Variants in SLC9A9 observed in about 807,000 individuals in gnomAD.
The protein encoded by SLC9A9 is solute carrier family 9 member A9.
A neutral mutation model predicts 77.8 loss-of-function variants in SLC9A9; 62 were observed. The observed-to-expected ratio is 0.80, with a 90% CI of 0.65 to 0.98. The LOEUF (loss-of-function observed/expected upper bound fraction) is 0.98. Ranked by LOEUF, SLC9A9 falls within the 50% of genes least tolerant of loss-of-function variation. The pLI is 0.00. For synonymous variants in SLC9A9, 320 were observed against 283.5 expected (o/e 1.13, Z -1.29); for missense variants, 775 against 774.9 (o/e 1.00, Z 0.00).
At chr3:143,368,307 A>G (rs2032962587) in intron 13 of SLC9A9, among the ~76,000 whole-genome samples, 1 of 152,208 alleles carries the variant, frequency 6.6e-6, no homozygotes, top group African/African-American at 2.4e-5. Context: ...AACCCCTGAG[A>G]GAAAACAAAA....
intron 11 of SLC9A9, among the ~76,000 whole-genome samples, chr3:143,487,280 A>G (rs144388174): frequency 6.6e-6 from 1 of 152,126 alleles, no homozygotes; most frequent in African/African-American, 2.4e-5. Context: ...ATATGAAGGA[A>G]AAACTGACAA....
intron 12 of SLC9A9, among the ~76,000 whole-genome samples, chr3:143,454,251 TTA>T (rs2035052430): frequency 6.6e-6 from 1 of 152,204 alleles, no homozygotes; most frequent in Non-Finnish European, 1.5e-5. Context: ...ATTGGCTGTA[TTA>T]TTTTAGATTC....
intron 2 of SLC9A9, among the ~76,000 whole-genome samples, chr3:143,809,191 C>T (rs1016485030): frequency 4.6e-5 from 7 of 152,216 alleles, no homozygotes; most frequent in Non-Finnish European, 1.0e-4. Context: ...GGTACAACCT[C>T]CTGGACAGAA....
chr3:143,518,032 C>T, intron 9 of SLC9A9: 2 of 1,436,340 alleles, frequency 1.4e-6, no homozygotes, highest in Non-Finnish European at 1.9e-6. Context: ...TTAAGTCTTC[C>T]TCCACCTTCT....
intron 11 of SLC9A9, among the ~76,000 whole-genome samples, chr3:143,470,392 A>C (rs1259648669): frequency 2.0e-5 from 3 of 151,902 alleles, no homozygotes; most frequent in Non-Finnish European, 4.4e-5. Context: ...AGGCAGGAGA[A>C]TCACTTGAAC....
At chr3:143,834,443 C>G (rs2108891267) in intron 1 of SLC9A9, among the ~76,000 whole-genome samples, 1 of 152,126 alleles carries the variant, frequency 6.6e-6, no homozygotes, top group South Asian at 2.1e-4. Flanking sequence ...CAGCAAGTAC[C>G]ATGAATGACA....
intron 14 of SLC9A9, among the ~76,000 whole-genome samples, chr3:143,315,168 G>T (rs999101447): frequency 2.0e-5 from 3 of 152,136 alleles, no homozygotes; most frequent in Non-Finnish European, 4.4e-5. Context: ...CAGTTTTTGA[G>T]GATAAATTTA....
In SLC9A9 at chr3:143,809,881, G is replaced by A. The variant is rs534731306; in HGVS notation, c.379-12978C>T. Among the ~76,000 whole-genome samples the A allele has an allele frequency of 5.3e-5, 8 of 152,292 alleles. No individual in the cohort carries two copies. The East Asian group carries it at 1.2e-3, about 22-fold the overall frequency. On this transcript the variant is annotated intron_variant, in intron 2 of 15. Coordinates refer to ENST00000316549, the MANE Select transcript of SLC9A9 (RefSeq NM_173653.4). Reference sequence around the variant, plus strand: ...TGAATTTTTAATTTTAACACTGGTAGCTAGTGGCAATTGGAGAGTACATTT... The same window carrying A: ...TGAATTTTTAATTTTAACACTGGTAACTAGTGGCAATTGGAGAGTACATTT...
intron 4 of SLC9A9, among the ~76,000 whole-genome samples, chr3:143,742,856 A>T (rs1935106195): frequency 6.6e-6 from 1 of 152,116 alleles, no homozygotes; most frequent in Non-Finnish European, 1.5e-5. Flanking sequence ...TTTGTAATGG[A>T]AACTCTTTGT....
intron 9 of SLC9A9, chr3:143,518,230 G>A (rs959628519): frequency 6.3e-7 from 1 of 1,594,760 alleles, no homozygotes; most frequent in Non-Finnish European, 8.5e-7. Context: ...GGGGGTCCAT[G>A]GCAGGGAGGT....
chr3:143,498,490 G>A (rs549535727), intron 9 of SLC9A9, among the ~76,000 whole-genome samples: 3 of 151,466 alleles, frequency 2.0e-5, no homozygotes, highest in South Asian at 2.1e-4. Context: ...GGAGGTGGAC[G>A]CTGCAGTGAG....
At chr3:143,462,214 T>G (rs2035205644) in intron 12 of SLC9A9, among the ~76,000 whole-genome samples, 1 of 151,982 alleles carries the variant, frequency 6.6e-6, no homozygotes, top group African/African-American at 2.4e-5. Flanking sequence ...TAAAAATAAT[T>G]TTAAAAAGAT....
intron 4 of SLC9A9, among the ~76,000 whole-genome samples, chr3:143,699,951 G>C (rs747866027): frequency 4.6e-5 from 7 of 151,762 alleles, no homozygotes; most frequent in Non-Finnish European, 1.0e-4. Context: ...GGAGAGGAGA[G>C]AGAAGAGTAA....
At chr3:143,530,871 C>T (rs1168420151) in intron 9 of SLC9A9, among the ~76,000 whole-genome samples, 1 of 152,186 alleles carries the variant, frequency 6.6e-6, no homozygotes, top group African/African-American at 2.4e-5. Context: ...GGATTTGCCT[C>T]TGTCAACTTA....
intron 6 of SLC9A9, among the ~76,000 whole-genome samples, chr3:143,583,176 A>G (rs933483494): frequency 6.6e-6 from 1 of 151,942 alleles, no homozygotes; most frequent in Non-Finnish European, 1.5e-5. Flanking sequence ...AAAAATATAT[A>G]TAAATTAAAA....
chr3:143,578,063 A>C (rs887515001), intron 7 of SLC9A9, among the ~76,000 whole-genome samples: 9 of 152,202 alleles, frequency 5.9e-5, no homozygotes, highest in African/African-American at 1.7e-4. Flanking sequence ...CACACATATC[A>C]TTTCAGCATT....
At chr3:143,778,361 C>A (rs893543553) in intron 4 of SLC9A9, among the ~76,000 whole-genome samples, 1 of 152,192 alleles carries the variant, frequency 6.6e-6, no homozygotes, top group East Asian at 1.9e-4. Flanking sequence ...TATGCTTCAA[C>A]TATCTAAATA....
In SLC9A9 at chr3:143,423,210, C is replaced by T. The variant is rs569056433; in HGVS notation, c.1470-41096G>A. Among the ~76,000 whole-genome samples, 31 of 101,248 alleles carry T rather than the reference C, an allele frequency of 3.1e-4. No homozygotes were observed. In the East Asian group the frequency reaches 6.6e-3, roughly 21 times the overall value. 66.4% of individuals were successfully genotyped at this position (101,248 alleles called of 152,430 possible). ...ATGTAAATCTCTACTTACCCTCACA[C>T]ACACGTACACACACACACACGTGTA... On this transcript the variant is annotated intron_variant, in intron 12 of 15. Coordinates refer to ENST00000316549, the MANE Select transcript of SLC9A9 (RefSeq NM_173653.4).
chr3:143,573,228 C>T (rs905132242), intron 8 of SLC9A9, among the ~76,000 whole-genome samples: 7 of 151,928 alleles, frequency 4.6e-5, no homozygotes, highest in African/African-American at 4.8e-5. Context: ...ATGCAAACAC[C>T]GAGGGAGGTA....
Sources: allele counts gnomAD v4.1 joint callset (sites outside exome capture counted in the v4.1 genomes callset), GRCh38; gene constraint gnomAD v4.1.1; transcripts MANE v1.5; gene names NCBI Gene and HGNC (gene_info 2026-07-23, HGNC 2026-07-21).